The following SLC35D4 variants were observed in gnomAD, a reference collection of about 807,000 sequenced individuals.
The protein encoded by SLC35D4 is solute carrier family 35 member D4.
At chr18:23,424,946 A>T in the SLC35D4 span, among the ~76,000 whole-genome samples, 1 of 152,204 alleles carries the variant, frequency 6.6e-6, no homozygotes, top group Non-Finnish European at 1.5e-5. Context: ...AGTGGTGATA[A>T]TATAATAAAC....
the SLC35D4 span, among the ~76,000 whole-genome samples, chr18:23,274,793 G>C: frequency 2.0e-5 from 3 of 152,200 alleles, no homozygotes; most frequent in African/African-American, 4.8e-5. Context: ...TCTGATTCCA[G>C]TGCTCAGCCT....
chr18:23,337,637 C>T, the SLC35D4 span, among the ~76,000 whole-genome samples: 1 of 152,224 alleles, frequency 6.6e-6, no homozygotes, highest in Admixed American at 6.5e-5. Flanking sequence ...ATCTTAATAA[C>T]ATCTGTTGAT....
the SLC35D4 span, among the ~76,000 whole-genome samples, chr18:23,422,853 G>A: frequency 5.7e-4 from 86 of 152,078 alleles, no homozygotes; most frequent in East Asian, 6.4e-3. Context: ...AATGCCAAAT[G>A]AGTGAGAGGG....
the SLC35D4 span, among the ~76,000 whole-genome samples, chr18:23,412,071 A>C: frequency 6.6e-6 from 1 of 152,112 alleles, no homozygotes; most frequent in African/African-American, 2.4e-5. Flanking sequence ...TGTAATCCTA[A>C]CATTTTGGGA....
the SLC35D4 span, among the ~76,000 whole-genome samples, chr18:23,310,778 T>G: frequency 6.6e-6 from 1 of 152,120 alleles, no homozygotes; most frequent in African/African-American, 2.4e-5. Flanking sequence ...GAAAGAAGTC[T>G]GGAACTACAA....
the SLC35D4 span, among the ~76,000 whole-genome samples, chr18:23,361,565 C>T: frequency 4.1e-4 from 63 of 152,218 alleles, no homozygotes; most frequent in African/African-American, 1.5e-3. Flanking sequence ...AATGACCCCA[C>T]CTCAGCTAGC....
the SLC35D4 span, among the ~76,000 whole-genome samples, chr18:23,428,573 A>C: frequency 6.6e-6 from 1 of 152,338 alleles, no homozygotes; most frequent in African/African-American, 2.4e-5. Context: ...GCTGGAGTAC[A>C]GTGGCATGAT....
the SLC35D4 span, among the ~76,000 whole-genome samples, chr18:23,347,893 C>A: frequency 2.0e-5 from 3 of 152,210 alleles, no homozygotes; most frequent in East Asian, 3.9e-4. Context: ...ATTTAGTTTG[C>A]CCTTTCTTCT....
the SLC35D4 span, among the ~76,000 whole-genome samples, chr18:23,320,008 G>A: frequency 6.6e-6 from 1 of 152,172 alleles, no homozygotes; most frequent in Non-Finnish European, 1.5e-5. Flanking sequence ...TATATGTGGG[G>A]TTTGGGAGCT....
the SLC35D4 span, among the ~76,000 whole-genome samples, chr18:23,312,999 C>T: frequency 2.6e-5 from 4 of 151,690 alleles, no homozygotes; most frequent in African/African-American, 7.3e-5. Flanking sequence ...TGATGGCGGG[C>T]GCCTGCAGTC....
At chr18:23,353,434 C>A in the SLC35D4 span, among the ~76,000 whole-genome samples, 1 of 152,114 alleles carries the variant, frequency 6.6e-6, no homozygotes, top group Non-Finnish European at 1.5e-5. Context: ...GCCTCAGTTA[C>A]GGTACACATT....
At chr18:23,299,371 C>T in the SLC35D4 span, among the ~76,000 whole-genome samples, 1 of 152,176 alleles carries the variant, frequency 6.6e-6, no homozygotes, top group African/African-American at 2.4e-5. Context: ...AGTGGTCCTC[C>T]CGGTGGGCCA....
the SLC35D4 span, among the ~76,000 whole-genome samples, chr18:23,254,184 C>T: frequency 6.6e-6 from 1 of 152,198 alleles, no homozygotes; most frequent in Admixed American, 6.5e-5. Flanking sequence ...TTCTCAGACA[C>T]CATGTGAGAT....
chr18:23,295,807 G>C, the SLC35D4 span, among the ~76,000 whole-genome samples: 4 of 152,156 alleles, frequency 2.6e-5, no homozygotes, highest in Admixed American at 1.3e-4. Flanking sequence ...CCATGGGCAG[G>C]GGGTCTCCAT....
chr18:23,353,659 C>T, the SLC35D4 span, among the ~76,000 whole-genome samples: 6 of 152,172 alleles, frequency 3.9e-5, no homozygotes, highest in East Asian at 1.9e-4. Context: ...CAATTTGCAT[C>T]AGCAGTCATG....
the SLC35D4 span, among the ~76,000 whole-genome samples, chr18:23,333,737 G>A: frequency 5.9e-5 from 9 of 152,226 alleles, no homozygotes; most frequent in Non-Finnish European, 1.3e-4. Context: ...AGCAACTGCT[G>A]ACTGCATCAC....
chr18:23,356,175 T>G, the SLC35D4 span, among the ~76,000 whole-genome samples: 1 of 152,200 alleles, frequency 6.6e-6, no homozygotes, highest in Non-Finnish European at 1.5e-5. This position sits in a 1 kb window ranked among gnomAD's most constrained non-coding sequence, Gnocchi z 4.1. Context: ...TTTTGGAGGT[T>G]GCCTTAAGGA....
At chr18:23,255,945 A>G in the SLC35D4 span, among the ~76,000 whole-genome samples, 1 of 152,196 alleles carries the variant, frequency 6.6e-6, no homozygotes, top group South Asian at 2.1e-4. Flanking sequence ...GCAATATACC[A>G]CACAGCAAAA....
the SLC35D4 span, among the ~76,000 whole-genome samples, chr18:23,389,679 C>G: frequency 6.6e-6 from 1 of 152,138 alleles, no homozygotes; most frequent in African/African-American, 2.4e-5. Flanking sequence ...GGTGGGATTA[C>G]AGGCATACAC....
Sources: gnomAD v4.1 joint callset for allele counts (sites outside exome capture counted in the v4.1 genomes callset) on GRCh38, gnomAD v4.1.1 for gene constraint, Gnocchi (gnomAD v3.1) non-coding constraint, MANE v1.5 for transcripts, NCBI Gene and HGNC (gene_info 2026-07-23, HGNC 2026-07-21) for gene names.